GPC6: variants seen among roughly 807,000 people sequenced by gnomAD.
The protein encoded by GPC6 is glypican 6.
GPC6 carries 14 observed loss-of-function variants against 55.2 expected under a neutral mutation model. The ratio of observed to expected loss-of-function variants is 0.25; its 90% CI spans 0.17 to 0.40. The LOEUF is 0.40. Among genes scored for constraint, GPC6 ranks in the 10% least tolerant of loss-of-function variants. GPC6 has a pLI of 1.00. For synonymous variants in GPC6, 278 were observed against 259.6 expected (o/e 1.07, Z -0.68); for missense variants, 641 against 708.5 (o/e 0.90, Z 1.08).
In GPC6 at chr13:93,532,994, A is replaced by G. The variant is rs1881926477; in HGVS notation, c.161-12269A>G. Among the ~76,000 whole-genome samples the G allele has an allele frequency of 2.0e-5, 3 of 152,354 alleles. No homozygotes were observed. In the South Asian group the frequency reaches 6.2e-4, roughly 32 times the overall value. On this transcript the variant is annotated intron_variant, in intron 1 of 8. Coordinates refer to ENST00000377047, the MANE Select transcript of GPC6 (RefSeq NM_005708.5). ...TTTGAATGATAAGGTCCCCTAAAGT[A>G]GAATGTTAATTGAATTTCCTAAAAC...
At chr13:94,359,121 A>G (rs967737570) in intron 6 of GPC6, among the ~76,000 whole-genome samples, 2 of 152,216 alleles carry the variant, frequency 1.3e-5, no homozygotes, top group African/African-American at 4.8e-5. Context: ...TATCTTTGGA[A>G]AAAACATTGA....
Position 93,534,542 on chromosome 13 carries a change from C to T in GPC6, c.161-10721C>T, listed in dbSNP as rs149109457. Among the ~76,000 whole-genome samples, 393 of 152,290 alleles carry T rather than the reference C, an allele frequency of 2.6e-3. 1 individual carries two copies. Among genetic ancestry groups the T allele is most frequent in the African/African-American group, 9.1e-3 (379 of 41,566 alleles). On this transcript the variant is annotated intron_variant, in intron 1 of 8. Transcript: ENST00000377047. ...TGTCTCCTCCTCTTTCCCACCACGC[C>T]ACTCACCAGGTCTATTCCTGGCCAT... is the stretch of plus-strand genomic sequence containing the variant.
At chr13:93,499,263 G>A (rs983491202) in intron 1 of GPC6, among the ~76,000 whole-genome samples, 1 of 152,144 alleles carries the variant, frequency 6.6e-6, no homozygotes, top group African/African-American at 2.4e-5. Flanking sequence ...TTAAAAAAGA[G>A]TTTGTTTCCA....
intron 4 of GPC6, among the ~76,000 whole-genome samples, chr13:94,176,836 G>A (rs1342471756): frequency 6.6e-6 from 1 of 152,150 alleles, no homozygotes; most frequent in Non-Finnish European, 1.5e-5. Context: ...CTTCTCCGGG[G>A]TGAAAGAAAG....
chr13:94,277,944 T>G (rs576014467), intron 4 of GPC6, among the ~76,000 whole-genome samples: 24 of 152,324 alleles, frequency 1.6e-4, no homozygotes, highest in African/African-American at 5.5e-4. Flanking sequence ...CATATGTAAT[T>G]TAAAGTAGTT....
intron 4 of GPC6, among the ~76,000 whole-genome samples, chr13:94,253,435 T>G (rs966484687): frequency 1.3e-5 from 2 of 152,108 alleles, no homozygotes; most frequent in African/African-American, 4.8e-5. Flanking sequence ...GGTTCTTCTT[T>G]TTTTTATTTA....
At chr13:93,565,934 C>CAAAAAAAAAAAAAA (rs35217779) in intron 2 of GPC6, among the ~76,000 whole-genome samples, 3 of 134,860 alleles carry the variant, frequency 2.2e-5, no homozygotes, top group African/African-American at 5.7e-5. Flanking sequence ...AACAAACAAA[C>CAAAAAAAAAAAAAA]AAAAAAAAAA....
chr13:93,854,021 T>C (rs1323475218), intron 3 of GPC6, among the ~76,000 whole-genome samples: 1 of 151,636 alleles, frequency 6.6e-6, no homozygotes, highest in African/African-American at 2.4e-5. Flanking sequence ...TAATGACACT[T>C]CACGTCGTGG....
chr13:93,902,439 T>A (rs1876411816), intron 3 of GPC6, among the ~76,000 whole-genome samples: 2 of 152,194 alleles, frequency 1.3e-5, no homozygotes, highest in Admixed American at 6.5e-5. Context: ...CCATATCTTC[T>A]TTACTCATTC....
At chr13:93,979,249 C>T (rs1222959704) in intron 3 of GPC6, among the ~76,000 whole-genome samples, 2 of 148,840 alleles carry the variant, frequency 1.3e-5, no homozygotes, top group African/African-American at 5.0e-5. Context: ...TGGCTGGTGG[C>T]CTCCATATTG....
intron 1 of GPC6, among the ~76,000 whole-genome samples, chr13:93,447,864 A>T (rs1594176253): frequency 2.6e-5 from 4 of 152,294 alleles, no homozygotes; most frequent in Admixed American, 2.6e-4. Context: ...TTCAGAAAAG[A>T]GTTAAGTCTG....
intron 2 of GPC6, among the ~76,000 whole-genome samples, chr13:93,711,798 G>A (rs1883078150): frequency 6.6e-6 from 1 of 151,746 alleles, no homozygotes; most frequent in South Asian, 2.1e-4. Flanking sequence ...GCATAGCCTG[G>A]AAAGGGATAG....
intron 2 of GPC6, among the ~76,000 whole-genome samples, chr13:93,773,102 AAAAAAG>A (rs1885355277): frequency 6.6e-6 from 1 of 152,160 alleles, no homozygotes. Context: ...CAGCAAAAAG[AAAAAAG>A]AAAAACTAGG....
intron 3 of GPC6, among the ~76,000 whole-genome samples, chr13:93,860,151 C>G (rs1357925322): frequency 6.6e-6 from 1 of 151,600 alleles, no homozygotes; most frequent in Non-Finnish European, 1.5e-5. Context: ...CTTGGGCCAC[C>G]CTAAATCAAA....
chr13:93,315,805 G>A (rs1481040093), intron 1 of GPC6, among the ~76,000 whole-genome samples: 1 of 151,856 alleles, frequency 6.6e-6, no homozygotes, highest in East Asian at 1.9e-4. Context: ...AAGAGAGAGT[G>A]AGTGGGGAGT....
At chr13:94,045,779 C>A (rs926355486) in intron 4 of GPC6, among the ~76,000 whole-genome samples, 1 of 150,546 alleles carries the variant, frequency 6.6e-6, no homozygotes, top group Non-Finnish European at 1.5e-5. Flanking sequence ...CCATGACACA[C>A]ACTCTCTACC....
Position 93,611,181 on chromosome 13 carries a change from C to A in GPC6, c.319+65760C>A, listed in dbSNP as rs77062477. On this transcript the variant is annotated intron_variant, in intron 2 of 8. Coordinates refer to ENST00000377047, the MANE Select transcript of GPC6 (RefSeq NM_005708.5). ...GAGTACTATATAAACTTTGGAAAAT[C>A]TTTCCATAGGGTAAAATTCTGGCTT... Among the ~76,000 whole-genome samples, 1,302 of 152,190 alleles carry A rather than the reference C, an allele frequency of 8.6e-3. 24 individuals are homozygous for A. The highest frequency in any genetic ancestry group is 0.03 in the African/African-American group (1,245 of 41,552).
intron 4 of GPC6, among the ~76,000 whole-genome samples, chr13:94,266,300 C>T (rs1473647541): frequency 2.0e-5 from 3 of 152,120 alleles, no homozygotes; most frequent in East Asian, 3.9e-4. Context: ...TCCCGAGTAG[C>T]TGGGACTACA....
intron 1 of GPC6, among the ~76,000 whole-genome samples, chr13:93,330,553 A>G (rs1039549352): frequency 9.2e-5 from 14 of 152,224 alleles, no homozygotes; most frequent in African/African-American, 3.4e-4. Flanking sequence ...TTGCAGATTT[A>G]CAAATGCTCC....
Sources: allele counts gnomAD v4.1 joint callset (sites outside exome capture counted in the v4.1 genomes callset), GRCh38; gene constraint gnomAD v4.1.1; transcripts MANE v1.5; gene names NCBI Gene and HGNC (gene_info 2026-07-23, HGNC 2026-07-21).